CHRM3: variants seen among roughly 807,000 people sequenced by gnomAD.
CHRM3 encodes cholinergic receptor muscarinic 3, also known as muscarinic acetylcholine receptor M3.
CHRM3 carries 11 observed loss-of-function variants against 41.8 expected under a neutral mutation model. The observed-to-expected ratio is 0.26, with a 90% CI of 0.17 to 0.44. The LOEUF (loss-of-function observed/expected upper bound fraction) is 0.44. Among genes scored for constraint, CHRM3 ranks in the 20% least tolerant of loss-of-function variants. The probability of loss-of-function intolerance (pLI) is 1.00; values close to 1 mark genes in which losing one functional copy is unlikely to be tolerated. For synonymous variants in CHRM3, 297 were observed against 301.4 expected, an observed-to-expected ratio of 0.99 and a Z score of 0.15; for missense variants, 571 against 745.4, an observed-to-expected ratio of 0.77 and a Z score of 2.72.
chr1:239,423,106 GAAC>G (rs1662085193), intron 1 of CHRM3, among the ~76,000 whole-genome samples: 1 of 152,138 alleles, frequency 6.6e-6, no homozygotes, highest in African/African-American at 2.4e-5. Context: ...AGGACTCAAT[GAAC>G]TACAGCATGT....
At chr1:239,531,513 C>T (rs906027740) in intron 2 of CHRM3, among the ~76,000 whole-genome samples, 1 of 151,766 alleles carries the variant, frequency 6.6e-6, no homozygotes, top group African/African-American at 2.4e-5. Context: ...TGGAAAGTAA[C>T]GTTTTCTGGT....
intron 4 of CHRM3, among the ~76,000 whole-genome samples, chr1:239,642,602 G>A (rs1477139934): frequency 6.6e-6 from 1 of 152,028 alleles, no homozygotes; most frequent in Non-Finnish European, 1.5e-5. Flanking sequence ...CTCGAGCCTT[G>A]GCTTTCAGCT....
intron 5 of CHRM3, among the ~76,000 whole-genome samples, chr1:239,741,076 T>A (rs1664807655): frequency 6.6e-6 from 1 of 152,126 alleles, no homozygotes; most frequent in African/African-American, 2.4e-5. Context: ...TTCCCATTGT[T>A]AGGTTCATGG....
chr1:239,512,814 G>GGA (rs1669009547), intron 2 of CHRM3, among the ~76,000 whole-genome samples: 1 of 147,110 alleles, frequency 6.8e-6, no homozygotes, highest in Admixed American at 6.8e-5. Context: ...CCTCTTTCTT[G>GGA]AAAAAAAAAA....
Position 239,799,242 on chromosome 1 carries a change from G to A in CHRM3, c.-146-28010G>A, listed in dbSNP as rs371325747. On this transcript the variant is annotated intron_variant, in intron 5 of 6. Transcript: ENST00000676153. ...CAGGTCATGGGTAGACTTAGAGAGA[G>A]CAACTTAAGTGATGAGGAGTGGAGT... 3.3e-5 allele frequency among the ~76,000 whole-genome samples: 5 copies of A among 152,300 alleles called. No individual in the cohort carries two copies. The East Asian group carries it at 7.7e-4, about 24-fold the overall frequency.
intron 6 of CHRM3, among the ~76,000 whole-genome samples, chr1:239,855,138 G>A (rs534396496): frequency 1.3e-4 from 20 of 152,228 alleles, no homozygotes; most frequent in East Asian, 3.9e-4. Flanking sequence ...CTTGCTAGCC[G>A]TTACTTAATA....
intron 5 of CHRM3, among the ~76,000 whole-genome samples, chr1:239,797,343 C>G (rs546653578): frequency 6.6e-6 from 1 of 150,906 alleles, no homozygotes; most frequent in Admixed American, 6.6e-5. Context: ...GTACCCCTGA[C>G]TCTAAAATAA....
At chr1:239,665,882 G>A (rs1457540089) in intron 4 of CHRM3, among the ~76,000 whole-genome samples, 1 of 152,174 alleles carries the variant, frequency 6.6e-6, no homozygotes, top group Admixed American at 6.5e-5. Flanking sequence ...ATTACACGGT[G>A]TATATGTGCC....
At chr1:239,501,642 T>A (rs1488369721) in intron 2 of CHRM3, among the ~76,000 whole-genome samples, 1 of 151,962 alleles carries the variant, frequency 6.6e-6, no homozygotes, top group Non-Finnish European at 1.5e-5. Flanking sequence ...GATCACGAGG[T>A]CAGGAGACCA....
At chr1:239,711,179 C>T (rs1368512732) in intron 5 of CHRM3, among the ~76,000 whole-genome samples, 1 of 152,076 alleles carries the variant, frequency 6.6e-6, no homozygotes, top group African/African-American at 2.4e-5. Flanking sequence ...TCTGCTTCTT[C>T]CACTACACCG....
intron 1 of CHRM3, among the ~76,000 whole-genome samples, chr1:239,388,244 C>G (rs1448100369): frequency 6.6e-6 from 1 of 152,178 alleles, no homozygotes; most frequent in Non-Finnish European, 1.5e-5. Context: ...CCGCCAGTGT[C>G]CGTGTTTGCA....
intron 4 of CHRM3, among the ~76,000 whole-genome samples, chr1:239,664,620 C>T (rs1391672234): frequency 2.0e-5 from 3 of 152,124 alleles, no homozygotes; most frequent in Admixed American, 1.3e-4. Context: ...GAGTCCCCTG[C>T]GGCCATACCT....
chr1:239,733,366 G>T (rs1206538677), intron 5 of CHRM3, among the ~76,000 whole-genome samples: 3 of 151,970 alleles, frequency 2.0e-5, no homozygotes, highest in African/African-American at 7.3e-5. Context: ...AGATACCAGA[G>T]ATTTCCCCCG....
At chr1:239,836,132 C>T (rs1673296972) in intron 6 of CHRM3, among the ~76,000 whole-genome samples, 1 of 152,206 alleles carries the variant, frequency 6.6e-6, no homozygotes, top group South Asian at 2.1e-4. Flanking sequence ...TTCATACTGA[C>T]AAAGATTAGT....
intron 6 of CHRM3, among the ~76,000 whole-genome samples, chr1:239,859,894 G>A (rs1023341180): frequency 4.8e-5 from 7 of 145,766 alleles, no homozygotes; most frequent in African/African-American, 1.8e-4. Context: ...TATACGTAAA[G>A]CATGTGGACC....
chr1:239,864,079 GAAA>G (rs560580967), intron 6 of CHRM3, among the ~76,000 whole-genome samples: 1 of 125,742 alleles, frequency 8.0e-6, no homozygotes, highest in Non-Finnish European at 1.7e-5. Context: ...CTTGATTTAA[GAAA>G]AAAAAAAAAA....
At chr1:239,582,755 C>T (rs1444857069) in intron 3 of CHRM3, among the ~76,000 whole-genome samples, 5 of 152,142 alleles carry the variant, frequency 3.3e-5, no homozygotes, top group Admixed American at 1.3e-4. Context: ...AACTATGTCA[C>T]TCCCCTACAG....
At chr1:239,810,000 G>A (rs1230804814) in intron 5 of CHRM3, among the ~76,000 whole-genome samples, 4 of 152,192 alleles carry the variant, frequency 2.6e-5, no homozygotes, top group African/African-American at 4.8e-5. Context: ...TTTATCTTGA[G>A]ACGGGTAAGA....
intron 5 of CHRM3, among the ~76,000 whole-genome samples, chr1:239,761,832 T>G (rs957961755): frequency 2.0e-5 from 3 of 152,196 alleles, no homozygotes; most frequent in African/African-American, 7.2e-5. Context: ...GTCTGGAATT[T>G]CCTCGCTTTG....
Sources: gnomAD v4.1 joint callset for allele counts (sites outside exome capture counted in the v4.1 genomes callset) on GRCh38, gnomAD v4.1.1 for gene constraint, MANE v1.5 for transcripts, NCBI Gene and HGNC (gene_info 2026-07-23, HGNC 2026-07-21) for gene names.